Variants in DLG2 observed in about 807,000 individuals in gnomAD.
DLG2 encodes the protein disks large homolog 2.
In DLG2, 45 loss-of-function variants were observed where a neutral mutation model predicts 132.5. That is an observed-to-expected ratio of 0.34 (90% CI 0.27 to 0.44). DLG2 has a LOEUF of 0.44. Ranked by LOEUF, DLG2 falls within the 20% of genes least tolerant of loss-of-function variation. DLG2 has a pLI of 1.00. For synonymous variants in DLG2, 424 were observed against 419.6 expected (o/e 1.01, Z -0.13); for missense variants, 1,045 against 1,196.9 (o/e 0.87, Z 1.87).
At chr11:84,039,369 C>A (rs142487573) in intron 11 of DLG2, among the ~76,000 whole-genome samples, 5 of 124,498 alleles carry the variant, frequency 4.0e-5, no homozygotes, top group East Asian at 2.9e-4. Context: ...TCCCTCCCCC[C>A]GCCCCCCACC....
chr11:84,365,152 T>C (rs1249416324), intron 7 of DLG2, among the ~76,000 whole-genome samples: 2 of 152,156 alleles, frequency 1.3e-5, no homozygotes, highest in Non-Finnish European at 2.9e-5. Context: ...TGGACTCTTT[T>C]TGGTTGGTAA....
intron 6 of DLG2, among the ~76,000 whole-genome samples, chr11:84,564,436 T>A (rs2099441892): frequency 6.6e-6 from 1 of 152,078 alleles, no homozygotes; most frequent in African/African-American, 2.4e-5. Flanking sequence ...AAAGATCCCA[T>A]CCGAGAATGT....
chr11:85,463,101 G>A (rs1215740629), intron 3 of DLG2, among the ~76,000 whole-genome samples: 2 of 152,168 alleles, frequency 1.3e-5, no homozygotes, highest in Non-Finnish European at 1.5e-5. Context: ...AAAATAAACT[G>A]TTGTGTAAAC....
intron 3 of DLG2, among the ~76,000 whole-genome samples, chr11:85,387,680 C>T (rs2086457442): frequency 6.6e-6 from 1 of 152,174 alleles, no homozygotes; most frequent in African/African-American, 2.4e-5. Context: ...CCACCATGTG[C>T]AAAAGGGCAT....
At chr11:84,016,826 T>A (rs768200662) in intron 11 of DLG2, among the ~76,000 whole-genome samples, 35 of 152,088 alleles carry the variant, frequency 2.3e-4, no homozygotes, top group Non-Finnish European at 3.7e-4. Context: ...ACAGCAAGAA[T>A]CTAGTACAAC....
rs147613784 is a variant in DLG2 at position 85,472,842 on chromosome 11, A to C, written c.40+125815T>G. Among the ~76,000 whole-genome samples, 11 of 152,318 alleles carry C rather than the reference A, an allele frequency of 7.2e-5. No homozygotes were observed. The East Asian group carries it at 2.1e-3, about 29-fold the overall frequency. ...GCCCAGAATCGGGCGAAGGGACTGA[A>C]TGAGCTGTAACACAAACTAACTGAA... On this transcript the variant is annotated intron_variant, in intron 3 of 27. Coordinates refer to ENST00000376104, the MANE Select transcript of DLG2 (RefSeq NM_001142699.3).
At chr11:84,543,600 G>A (rs988468345) in intron 6 of DLG2, among the ~76,000 whole-genome samples, 1 of 152,036 alleles carries the variant, frequency 6.6e-6, no homozygotes, top group Non-Finnish European at 1.5e-5. Flanking sequence ...TGCCACATAG[G>A]AGTTACTTGA....
intron 5 of DLG2, among the ~76,000 whole-genome samples, chr11:85,123,594 G>A (rs1171901424): frequency 6.6e-6 from 1 of 152,198 alleles, no homozygotes; most frequent in African/African-American, 2.4e-5. Flanking sequence ...TAGGAGAACT[G>A]TTTATGCTTG....
At chr11:84,917,778 G>A (rs1299360990) in intron 6 of DLG2, among the ~76,000 whole-genome samples, 2 of 152,120 alleles carry the variant, frequency 1.3e-5, no homozygotes, top group Non-Finnish European at 2.9e-5. Flanking sequence ...AACACGTTAA[G>A]TAGGCTTAGA....
intron 7 of DLG2, among the ~76,000 whole-genome samples, chr11:84,485,018 T>C (rs1341975195): frequency 6.6e-6 from 1 of 152,178 alleles, no homozygotes; most frequent in Non-Finnish European, 1.5e-5. Flanking sequence ...GTAAGGTAAA[T>C]TTAATCCATC....
Position 85,437,039 on chromosome 11 carries a change from C to G in DLG2, c.41-151674G>C, listed in dbSNP as rs534476289. Among the ~76,000 whole-genome samples the G allele has an allele frequency of 3.3e-5, 5 of 152,220 alleles. No individual in the cohort carries two copies. In the South Asian group the frequency reaches 1.0e-3, roughly 32 times the overall value. On this transcript the variant is annotated intron_variant, in intron 3 of 27. Transcript: ENST00000376104. ...GCTGGAAGACATCATTCTCAGCAAA[C>G]TAACACAGGAACAGAAAGCCAAACA...
intron 12 of DLG2, among the ~76,000 whole-genome samples, chr11:83,967,508 T>C (rs2090468317): frequency 6.6e-6 from 1 of 152,180 alleles, no homozygotes; most frequent in Non-Finnish European, 1.5e-5. Context: ...CCTTTTTGCA[T>C]ACCTGTTGGA....
chr11:84,126,756 G>A (rs941828902), intron 9 of DLG2, among the ~76,000 whole-genome samples: 2 of 152,072 alleles, frequency 1.3e-5, no homozygotes, highest in East Asian at 1.9e-4. Context: ...TTCCTTTGTA[G>A]TACTTAATTT....
intron 8 of DLG2, among the ~76,000 whole-genome samples, chr11:84,249,101 C>A (rs1170994190): frequency 6.6e-6 from 1 of 152,170 alleles, no homozygotes; most frequent in Non-Finnish European, 1.5e-5. Context: ...GCCACCAGAA[C>A]CCTAATAGGA....
At chr11:84,079,424 T>C (rs1347185590) in intron 10 of DLG2, among the ~76,000 whole-genome samples, 1 of 151,984 alleles carries the variant, frequency 6.6e-6, no homozygotes, top group South Asian at 2.1e-4. Flanking sequence ...GCTGGGATTA[T>C]AGGCACCTGC....
At chr11:84,980,578 A>G (rs920211066) in intron 6 of DLG2, among the ~76,000 whole-genome samples, 3 of 152,158 alleles carry the variant, frequency 2.0e-5, no homozygotes, top group South Asian at 2.1e-4. Context: ...CCAGAACCCA[A>G]TAAGAAACCC....
intron 15 of DLG2, among the ~76,000 whole-genome samples, chr11:83,879,371 A>G (rs150939326): frequency 1.3e-3 from 198 of 152,240 alleles, no homozygotes; most frequent in African/African-American, 4.3e-3. Flanking sequence ...CTTCTTATGG[A>G]TATTCAATAT....
intron 8 of DLG2, among the ~76,000 whole-genome samples, chr11:84,173,391 G>T (rs1031456308): frequency 1.3e-5 from 2 of 152,138 alleles, no homozygotes; most frequent in African/African-American, 4.8e-5. Flanking sequence ...TGGTTGTAAG[G>T]CATCATGATA....
chr11:85,543,497 T>C (rs11821065), intron 3 of DLG2, among the ~76,000 whole-genome samples: 1 of 152,238 alleles, frequency 6.6e-6, no homozygotes. Context: ...TTTGGGTATA[T>C]ACCCAATAAT....
Sources: gnomAD v4.1 joint callset for allele counts (sites outside exome capture counted in the v4.1 genomes callset) on GRCh38, gnomAD v4.1.1 for gene constraint, MANE v1.5 for transcripts, NCBI Gene and HGNC (gene_info 2026-07-23, HGNC 2026-07-21) for gene names.